GABRG1: variants seen among roughly 807,000 people sequenced by gnomAD.
GABRG1 encodes the protein gamma-aminobutyric acid receptor subunit gamma-1.
In GABRG1, 49 loss-of-function variants were observed where a neutral mutation model predicts 49.8. That is an observed-to-expected ratio of 0.98 (90% CI 0.78 to 1.25). The LOEUF (loss-of-function observed/expected upper bound fraction) is 1.25, where lower values mean the gene tolerates loss of function less well. Among genes scored for constraint, GABRG1 ranks in the 50% most tolerant of loss-of-function variants. GABRG1 has a pLI of 0.00. For missense variants in GABRG1, 552 were observed against 552.3 expected, an observed-to-expected ratio of 1.00 and a Z score of 0.01; for synonymous variants, 232 against 185.1, an observed-to-expected ratio of 1.25 and a Z score of -2.06.
In GABRG1 at chr4:46,051,540, C is replaced by A; in HGVS notation, c.1015G>T (p.Val339Phe). 1.2e-6 allele frequency: 2 copies of A among 1,611,520 alleles called. No individual in the cohort carries two copies. Among genetic ancestry groups the A allele is most frequent in the Non-Finnish European group, 1.7e-6 (2 of 1,178,520 alleles). Reference protein sequence around the residue: ...YVTAMDLFVSVCFIFVFAALM... With the variant: ...YVTAMDLFVSFCFIFVFAALM... ...GCTGCAAAAACAAAAATGAAACAAACAGAAACAAAGAGATCCATCGCAGTC... is the reference window on the plus strand; with the variant it reads ...GCTGCAAAAACAAAAATGAAACAAAAAGAAACAAAGAGATCCATCGCAGTC... The change falls in exon 8 of 9, where the codon GTT becomes TTT. Residue 339 changes from valine to phenylalanine, a missense_variant. Coordinates refer to ENST00000295452, the MANE Select transcript of GABRG1 (RefSeq NM_173536.4).
At chr4:46,096,084 T>C (rs1444041719) in intron 2 of GABRG1, among the ~76,000 whole-genome samples, 2 of 151,898 alleles carry the variant, frequency 1.3e-5, no homozygotes, top group Non-Finnish European at 2.9e-5. Flanking sequence ...GTTCTTGTGT[T>C]AGTTTCCTAA....
intron 1 of GABRG1, among the ~76,000 whole-genome samples, chr4:46,119,242 T>C (rs1172923438): frequency 2.0e-5 from 3 of 151,394 alleles, no homozygotes; most frequent in Admixed American, 6.6e-5. Context: ...ATTTTATCAA[T>C]GAACTCATAA....
At chr4:46,120,900 T>A (rs1721073882) in intron 1 of GABRG1, among the ~76,000 whole-genome samples, 1 of 151,764 alleles carries the variant, frequency 6.6e-6, no homozygotes, top group African/African-American at 2.4e-5. Context: ...AATATCTTTT[T>A]AAATTCTTTT....
intron 1 of GABRG1, among the ~76,000 whole-genome samples, chr4:46,116,871 A>T (rs1405071587): frequency 1.3e-5 from 2 of 150,816 alleles, no homozygotes; most frequent in Admixed American, 1.3e-4. Flanking sequence ...AATCCAGCCA[A>T]CAGGGCTACT....
intron 8 of GABRG1, among the ~76,000 whole-genome samples, chr4:46,045,496 G>C (rs182735178): frequency 6.6e-6 from 1 of 150,892 alleles, no homozygotes; most frequent in Admixed American, 6.6e-5. Flanking sequence ...TAAAACATAA[G>C]AATATTAAGT....
intron 5 of GABRG1, among the ~76,000 whole-genome samples, chr4:46,061,679 T>G (rs1033893412): frequency 6.6e-6 from 1 of 151,784 alleles, no homozygotes; most frequent in Non-Finnish European, 1.5e-5. Flanking sequence ...AGGTTTTTTT[T>G]TAGGATAAAT....
At chr4:46,043,900 G>A (rs1318762114) in intron 8 of GABRG1, among the ~76,000 whole-genome samples, 1 of 151,368 alleles carries the variant, frequency 6.6e-6, no homozygotes, top group African/African-American at 2.4e-5. Context: ...TCAAATAAAT[G>A]GGAAGTGATA....
At chr4:46,068,677 A>G (rs1049777068) in intron 3 of GABRG1, among the ~76,000 whole-genome samples, 9 of 152,220 alleles carry the variant, frequency 5.9e-5, no homozygotes, top group South Asian at 2.1e-4. Flanking sequence ...CCTCACTGAA[A>G]TAAGAAGACC....
At chr4:46,120,282 GT>G (rs1233095956) in intron 1 of GABRG1, among the ~76,000 whole-genome samples, 1 of 151,398 alleles carries the variant, frequency 6.6e-6, no homozygotes, top group Non-Finnish European at 1.5e-5. Context: ...TCATTTTTCA[GT>G]TTTTTTTACT....
intron 8 of GABRG1, among the ~76,000 whole-genome samples, chr4:46,042,187 A>ACCT (rs1717813619): frequency 6.6e-6 from 1 of 151,964 alleles, no homozygotes; most frequent in Non-Finnish European, 1.5e-5. Context: ...GCCAGTAGGT[A>ACCT]ACATCATTAT....
At chr4:46,117,744 A>T (rs895494873) in intron 1 of GABRG1, among the ~76,000 whole-genome samples, 4 of 143,908 alleles carry the variant, frequency 2.8e-5, no homozygotes, top group African/African-American at 1.0e-4. Flanking sequence ...ACATATACAC[A>T]TATACATACA....
At chr4:46,100,558 A>T (rs1452054271) in intron 1 of GABRG1, among the ~76,000 whole-genome samples, 1 of 151,458 alleles carries the variant, frequency 6.6e-6, no homozygotes, top group East Asian at 2.0e-4. Flanking sequence ...ACTTGTTGAG[A>T]TATTGGCAAC....
intron 4 of GABRG1, among the ~76,000 whole-genome samples, chr4:46,065,064 A>T (rs2109408558): frequency 6.6e-6 from 1 of 152,256 alleles, no homozygotes; most frequent in African/African-American, 2.4e-5. Flanking sequence ...TTCTAGAGGA[A>T]ATCTTACTCA....
At chr4:46,072,911 G>A (rs111455629) in intron 3 of GABRG1, among the ~76,000 whole-genome samples, 3,668 of 151,984 alleles carry the variant, frequency 0.024, 57 homozygotes, top group Non-Finnish European at 0.039. Context: ...AAACGGAGCA[G>A]TTCTTAGTAA....
intron 2 of GABRG1, among the ~76,000 whole-genome samples, chr4:46,090,933 TACACACACACACACACAC>T (rs34374380): frequency 2.9e-5 from 4 of 139,348 alleles, no homozygotes; most frequent in Admixed American, 7.3e-5. Context: ...TTCCCTGGAA[TACACACACACACACACAC>T]ACATACACAC....
At chr4:46,049,438 A>G (rs1718129123) in intron 8 of GABRG1, among the ~76,000 whole-genome samples, 1 of 151,954 alleles carries the variant, frequency 6.6e-6, no homozygotes, top group African/African-American at 2.4e-5. Flanking sequence ...AATTGAACAA[A>G]GAAAAGAGAC....
At chr4:46,101,790 CTTG>C (rs1408390772) in intron 1 of GABRG1, among the ~76,000 whole-genome samples, 2 of 151,512 alleles carry the variant, frequency 1.3e-5, no homozygotes, top group African/African-American at 4.8e-5. Context: ...ACATCTATTG[CTTG>C]TTAAGAGTCT....
At chr4:46,089,440 G>T (rs1410556345) in intron 2 of GABRG1, among the ~76,000 whole-genome samples, 1 of 151,866 alleles carries the variant, frequency 6.6e-6, no homozygotes, top group African/African-American at 2.4e-5. Flanking sequence ...TGTCCCCATC[G>T]CTAGAAACAT....
chr4:46,115,194 A>C (rs1720845751), intron 1 of GABRG1, among the ~76,000 whole-genome samples: 1 of 150,818 alleles, frequency 6.6e-6, no homozygotes, highest in South Asian at 2.1e-4. Context: ...AAAAGAAAAC[A>C]AAATAAAGTT....
Sources: allele counts gnomAD v4.1 joint callset (sites outside exome capture counted in the v4.1 genomes callset), GRCh38; gene constraint gnomAD v4.1.1; transcripts MANE v1.5; gene names NCBI Gene and HGNC (gene_info 2026-07-23, HGNC 2026-07-21).